IL17F: variants seen among roughly 807,000 people sequenced by gnomAD.
The protein encoded by IL17F is interleukin-17F.
IL17F carries 6 observed loss-of-function variants against 8.3 expected under a neutral mutation model. The ratio of observed to expected loss-of-function variants is 0.73; its 90% CI spans 0.40 to 1.43. The LOEUF is 1.43. Ranked by LOEUF, IL17F falls within the 40% of genes most tolerant of loss-of-function variation. The pLI, the probability that IL17F is intolerant of heterozygous loss-of-function variation, is 0.02. For missense variants in IL17F, 204 were observed against 209.6 expected, an observed-to-expected ratio of 0.97 and a Z score of 0.17; for synonymous variants, 98 against 81.6, an observed-to-expected ratio of 1.20 and a Z score of -1.08.
At chr6:52,238,613 T>G in intron 2 of IL17F, 117 bp downstream of exon 2, 1 of 943,594 alleles carries the variant, frequency 1.1e-6, no homozygotes, top group Admixed American at 2.2e-5. Flanking sequence ...AAATTTTCAT[T>G]GTTAAGAGGA....
chr6:52,242,657 A>C (rs1764094405), intron 1 of IL17F, among the ~76,000 whole-genome samples: 1 of 152,246 alleles, frequency 6.6e-6, no homozygotes, highest in Admixed American at 6.5e-5. Context: ...TTGGTGTACC[A>C]GTTCTTGTGC....
chr6:52,242,732 A>G (rs1764095451), intron 1 of IL17F, among the ~76,000 whole-genome samples: 1 of 152,248 alleles, frequency 6.6e-6, no homozygotes, highest in Admixed American at 6.5e-5. Flanking sequence ...TATAAAGTGG[A>G]AAGTATTCCC....
intron 1 of IL17F, among the ~76,000 whole-genome samples, chr6:52,240,694 GA>G (rs1764058272): frequency 6.6e-6 from 1 of 152,094 alleles, no homozygotes; most frequent in African/African-American, 2.4e-5. Context: ...TGACCCAGAA[GA>G]GTCAGAATGA....
chr6:52,238,987 C>T (rs766745036), intron 1 of IL17F, 37 bp from the exon 2 acceptor site: 16 of 1,561,334 alleles, frequency 1.0e-5, no homozygotes, highest in Middle Eastern at 2.2e-4. Flanking sequence ...GTTAGAGACT[C>T]GCCTCACCTA....
chr6:52,240,216 C>T (rs951919345), intron 1 of IL17F, among the ~76,000 whole-genome samples: 2 of 152,126 alleles, frequency 1.3e-5, no homozygotes, highest in Admixed American at 1.3e-4. Flanking sequence ...GTGGGTGGAT[C>T]ACCTGAAGTC....
At chr6:52,243,307 C>A (rs1445953988) in intron 1 of IL17F, among the ~76,000 whole-genome samples, 1 of 152,144 alleles carries the variant, frequency 6.6e-6, no homozygotes, top group Non-Finnish European at 1.5e-5. Flanking sequence ...ATAGTAAATT[C>A]TTCTCAGGCC....
In IL17F at chr6:52,237,165, G is replaced by A; in HGVS notation, c.258C>T (p.Val86=). ...AGGGGTACCGGTTGGGGTCCCAAGT[G>A]ACACTGCAGGAGGAGCAAGCCAAAG... The part of the protein sequence containing the change: ...SRSTSPWNYT[V]TWDPNRYPSE... The change falls in exon 3 of 3, where the codon GTC becomes GTT. Residue 86 remains valine, a synonymous_variant. Coordinates refer to ENST00000336123, the MANE Select transcript of IL17F (RefSeq NM_052872.4). 9.9e-6 allele frequency: 16 copies of A among 1,612,926 alleles called. No homozygotes were observed. Among genetic ancestry groups the A allele is most frequent in the East Asian group, 2.2e-5 (1 of 44,846 alleles).
chr6:52,241,034 T>C (rs1401229945), intron 1 of IL17F, among the ~76,000 whole-genome samples: 2 of 152,104 alleles, frequency 1.3e-5, no homozygotes, highest in Non-Finnish European at 2.9e-5. Flanking sequence ...GAATTTACAC[T>C]CATATACCTT....
rs2128268858 is a variant in IL17F, at chr6:52,244,418, C to G, written c.12G>C (p.Lys4Asn). MTV[K>N]TLHGPAMVKY... ...TCACCATGGCTGGGCCATGCAGGGT[C>G]TTCACTGTCATGTTGCGCTGGTGGC... Residue 4 changes from lysine to asparagine, a missense_variant, in exon 1 of 3, where the codon AAG (lysine) becomes AAC (asparagine). Transcript: ENST00000336123. The G allele has an allele frequency of 6.2e-7, 1 of 1,614,082 alleles. No homozygotes were observed. Among genetic ancestry groups the G allele is most frequent in the Non-Finnish European group, 8.5e-7 (1 of 1,179,960 alleles).
chr6:52,244,575 T>G (rs972811659), upstream of IL17F: 2 of 799,764 alleles, frequency 2.5e-6, no homozygotes, highest in Non-Finnish European at 4.3e-6. Context: ...TGTCTTTAAG[T>G]TGTGGTTGAC....
In IL17F at chr6:52,242,486, G is replaced by T. The variant is rs150857976; in HGVS notation, c.33+1911C>A. The stretch of plus-strand genomic sequence containing the variant: ...TGCTCCTTGCACTGTTATGTTTCTT[G>T]CTGACAACCCAACAGATTTCTTTAA... On this transcript the variant is annotated intron_variant, in intron 1 of 2. Coordinates refer to ENST00000336123, the MANE Select transcript of IL17F (RefSeq NM_052872.4). Among the ~76,000 whole-genome samples the T allele has an allele frequency of 3.7e-3, 561 of 152,296 alleles. 5 individuals are homozygous for T. The highest frequency in any genetic ancestry group is 6.9e-3 in the Non-Finnish European group (471 of 68,030).
Position 52,238,883 on chromosome 6 carries a change from G to A in IL17F, c.101C>T (p.Pro34Leu). The A allele has an allele frequency of 6.2e-7, 1 of 1,613,996 alleles. No individual in the cohort carries two copies. The highest frequency in any genetic ancestry group is 8.5e-7 in the Non-Finnish European group (1 of 1,179,942). The change falls in exon 2 of 3, where the codon CCC becomes CTC. Residue 34 changes from proline (P) to leucine (L), a missense_variant. Pro to Leu is a moderately conservative substitution (Grantham distance 98). Coordinates refer to ENST00000336123, the MANE Select transcript of IL17F (RefSeq NM_052872.4). The stretch of plus-strand genomic sequence containing the variant: ...TTGGAAAAAAGTATGTCCTACTTTG[G>A]GGATTTTCCGAGCTGCCGCCTCACT... Reference protein sequence around the residue: ...FLSEAAARKIPKVGHTFFQKP... With the variant: ...FLSEAAARKILKVGHTFFQKP...
chr6:52,237,788 C>G (rs1763992941), intron 2 of IL17F, among the ~76,000 whole-genome samples: 1 of 152,110 alleles, frequency 6.6e-6, no homozygotes, highest in African/African-American at 2.4e-5. Flanking sequence ...TGTCTGAACC[C>G]TGAAGGACGG....
At chr6:52,244,588 G>T, upstream of IL17F, 1 of 717,282 alleles carries the variant, frequency 1.4e-6, no homozygotes, top group South Asian at 1.6e-5. Context: ...TGGTTGACCC[G>T]GAGTTACTGA....
chr6:52,244,313 C>T, intron 1 of IL17F, 84 bp downstream of exon 1: 2 of 1,299,770 alleles, frequency 1.5e-6, no homozygotes, highest in African/African-American at 1.5e-5. Flanking sequence ...AAAAAGACCC[C>T]AATCAAACCT....
At chr6:52,243,670 C>T (rs1411394456) in intron 1 of IL17F, among the ~76,000 whole-genome samples, 1 of 152,198 alleles carries the variant, frequency 6.6e-6, no homozygotes, top group Non-Finnish European at 1.5e-5. Flanking sequence ...CAGGAAAGAA[C>T]ATGCTAGTTG....
rs535783581 is a variant in IL17F, at chr6:52,238,850, T to C, written c.134A>G (p.Glu45Gly). ...KVGHTFFQKP[E>G]SCPPVPGGSM... ...ACCTCCTGGCACAGGCGGGCAACTC[T>C]CAGGCTTTTGGAAAAAAGTATGTCC... The change falls in exon 2 of 3, where the codon GAG becomes GGG. Residue 45 changes from glutamate to glycine, a missense_variant. By Grantham distance (98) the Glu-to-Gly change is moderately conservative. Coordinates refer to ENST00000336123, the MANE Select transcript of IL17F (RefSeq NM_052872.4). 48 of 1,614,034 alleles carry C rather than the reference T, an allele frequency of 3.0e-5. 1 individual carries two copies. The South Asian group carries it at 4.9e-4, about 17-fold the overall frequency.
intron 1 of IL17F, among the ~76,000 whole-genome samples, chr6:52,240,191 T>G (rs1582261742): frequency 6.6e-6 from 1 of 152,006 alleles, no homozygotes; most frequent in Admixed American, 6.6e-5. Context: ...AATCCCAGCA[T>G]TTTGGGAAGC....
rs1433771627 is a variant in IL17F at position 52,238,807 on chromosome 6, A to G, written c.177T>C (p.Ile59=). The G allele has an allele frequency of 5.6e-6, 9 of 1,614,048 alleles. No individual in the cohort carries two copies. The highest frequency in any genetic ancestry group is 7.6e-6 in the Non-Finnish European group (9 of 1,180,022). The change falls in exon 2 of 3, where the codon ATT becomes ATC. Residue 59 remains isoleucine, a synonymous_variant. Coordinates refer to ENST00000336123, the MANE Select transcript of IL17F (RefSeq NM_052872.4). ...CGCGCTGGTTTTCATTGATGATGCC[A>G]ATGTCAAGCTTCATACTACCTCCTG... ...PVPGGSMKLD[I]GIINENQRVS... is the part of the protein sequence containing the mutation.
Sources: gnomAD v4.1 joint callset for allele counts (sites outside exome capture counted in the v4.1 genomes callset) on GRCh38, gnomAD v4.1.1 for gene constraint, MANE v1.5 for transcripts, NCBI Gene and HGNC (gene_info 2026-07-23, HGNC 2026-07-21) for gene names.